The following NRG3 variants were observed in gnomAD, a reference collection of about 807,000 sequenced individuals.
NRG3 encodes neuregulin 3.
NRG3 carries 31 observed loss-of-function variants against 66.9 expected under a neutral mutation model. That is an observed-to-expected ratio of 0.46 (90% CI 0.35 to 0.63). The LOEUF is 0.63. NRG3 is among the 20% of genes least tolerant of loss of function. The pLI is 0.00. For synonymous variants in NRG3, 393 were observed against 359.4 expected (o/e 1.09, Z -1.06); for missense variants, 910 against 878.9 (o/e 1.04, Z -0.45).
intron 1 of NRG3, chr10:82,232,783 A>C (rs1414502165): frequency 2.8e-6 from 2 of 717,268 alleles, no homozygotes; most frequent in African/African-American, 3.5e-5. Context: ...CAACATGGGG[A>C]AGACCAGAGT....
chr10:82,767,859 A>G (rs1222109999), intron 3 of NRG3, among the ~76,000 whole-genome samples: 3 of 149,804 alleles, frequency 2.0e-5, no homozygotes, highest in Non-Finnish European at 2.9e-5. Context: ...CTTATTTTCT[A>G]TGAATTATCT....
chr10:82,581,542 G>T (rs1485917027), intron 2 of NRG3, among the ~76,000 whole-genome samples: 1 of 152,004 alleles, frequency 6.6e-6, no homozygotes, highest in East Asian at 1.9e-4. Flanking sequence ...ATAGAAAGTA[G>T]AATGATAGTT....
At chr10:82,144,679 T>G (rs1425411763) in intron 1 of NRG3, among the ~76,000 whole-genome samples, 1 of 152,186 alleles carries the variant, frequency 6.6e-6, no homozygotes, top group African/African-American at 2.4e-5. Flanking sequence ...GCACAATGTT[T>G]TGTAGCAGGG....
chr10:82,210,279 A>T (rs750700812), intron 1 of NRG3, among the ~76,000 whole-genome samples: 2 of 152,196 alleles, frequency 1.3e-5, no homozygotes, highest in Non-Finnish European at 2.9e-5. Context: ...TAAAGTTATT[A>T]AAGTCCGGCT....
At chr10:82,291,649 T>A (rs1017020330) in intron 1 of NRG3, among the ~76,000 whole-genome samples, 14 of 152,168 alleles carry the variant, frequency 9.2e-5, no homozygotes, top group African/African-American at 3.4e-4. Flanking sequence ...TTTAAATAGA[T>A]TCACACCAAT....
chr10:82,194,859 T>C (rs568283143), intron 1 of NRG3, among the ~76,000 whole-genome samples: 7 of 152,212 alleles, frequency 4.6e-5, no homozygotes, highest in African/African-American at 1.7e-4. Flanking sequence ...GGAAGACATA[T>C]AGGTTGATCT....
intron 2 of NRG3, among the ~76,000 whole-genome samples, chr10:82,607,989 A>T (rs913489703): frequency 6.6e-6 from 1 of 152,174 alleles, no homozygotes; most frequent in Non-Finnish European, 1.5e-5. Flanking sequence ...ACAGATCAAT[A>T]AGAAAAAGGA....
intron 8 of NRG3, among the ~76,000 whole-genome samples, chr10:82,983,794 T>A (rs1364099111): frequency 1.3e-5 from 2 of 152,240 alleles, no homozygotes; most frequent in East Asian, 3.9e-4. Flanking sequence ...ACCTTGAAGA[T>A]TTGTTTATGT....
intron 1 of NRG3, among the ~76,000 whole-genome samples, chr10:81,975,513 C>T (rs2060092121): frequency 6.6e-6 from 1 of 151,922 alleles, no homozygotes; most frequent in Non-Finnish European, 1.5e-5. Flanking sequence ...CCTGGAAGCA[C>T]CAGCAACGAG....
intron 1 of NRG3, among the ~76,000 whole-genome samples, chr10:82,046,915 A>G (rs2063327205): frequency 7.1e-6 from 1 of 140,010 alleles, no homozygotes; most frequent in Admixed American, 7.9e-5. Flanking sequence ...CCCAGGGATG[A>G]AGCCCACTTG....
chr10:82,396,231 C>T (rs1022397199), intron 2 of NRG3, among the ~76,000 whole-genome samples: 5 of 152,156 alleles, frequency 3.3e-5, no homozygotes, highest in African/African-American at 4.8e-5. Context: ...GCCTCTGGAA[C>T]ATTTTTTTTC....
At chr10:82,215,627 G>A (rs1020086685) in intron 1 of NRG3, among the ~76,000 whole-genome samples, 2 of 151,976 alleles carry the variant, frequency 1.3e-5, no homozygotes, top group Non-Finnish European at 2.9e-5. Flanking sequence ...GCAATCGATG[G>A]GTGAAGCAGG....
chr10:81,911,958 G>A (rs2132760602), intron 1 of NRG3, among the ~76,000 whole-genome samples: 1 of 152,036 alleles, frequency 6.6e-6, no homozygotes, highest in East Asian at 1.9e-4. Flanking sequence ...CGTACTATGA[G>A]AGTAATAAAT....
chr10:82,331,177 T>G (rs2082120213), intron 1 of NRG3, among the ~76,000 whole-genome samples: 1 of 152,206 alleles, frequency 6.6e-6, no homozygotes, highest in Non-Finnish European at 1.5e-5. Flanking sequence ...TCTCTACCCA[T>G]GCTCTTTTCC....
chr10:82,111,242 T>C (rs2067371321), intron 1 of NRG3, among the ~76,000 whole-genome samples: 1 of 152,208 alleles, frequency 6.6e-6, no homozygotes, highest in Non-Finnish European at 1.5e-5. Context: ...TTGAACATCT[T>C]ATCACTTCGT....
chr10:82,683,416 TTAAA>T (rs2054267081), intron 2 of NRG3, among the ~76,000 whole-genome samples: 2 of 152,092 alleles, frequency 1.3e-5, no homozygotes, highest in African/African-American at 4.8e-5. Context: ...AATAAAGGAA[TTAAA>T]TTAATAATGG....
intron 1 of NRG3, among the ~76,000 whole-genome samples, chr10:82,060,118 A>T (rs978353696): frequency 6.6e-6 from 1 of 152,246 alleles, no homozygotes; most frequent in Non-Finnish European, 1.5e-5. Flanking sequence ...ATTTCATTTC[A>T]TAAATGGTAA....
intron 2 of NRG3, among the ~76,000 whole-genome samples, chr10:82,497,139 A>G (rs1033358456): frequency 1.1e-4 from 17 of 152,272 alleles, no homozygotes; most frequent in African/African-American, 3.6e-4. Context: ...TTGTGGGGCA[A>G]ATAATTAGCA....
chr10:82,617,403 C>G (rs1344375944), intron 2 of NRG3, among the ~76,000 whole-genome samples: 1 of 151,850 alleles, frequency 6.6e-6, no homozygotes, highest in African/African-American at 2.4e-5. Context: ...AGACACACGG[C>G]CAGCCGAAGT....
Sources: gnomAD v4.1 joint callset for allele counts (sites outside exome capture counted in the v4.1 genomes callset) on GRCh38, gnomAD v4.1.1 for gene constraint, MANE v1.5 for transcripts, NCBI Gene and HGNC (gene_info 2026-07-23, HGNC 2026-07-21) for gene names.